Variants in SPOCK1 observed in about 807,000 individuals in gnomAD.
The protein encoded by SPOCK1 is SPARC (osteonectin), cwcv and kazal like domains proteoglycan 1, also known as testican-1.
Under a neutral mutation model 55.3 loss-of-function variants are expected in SPOCK1, and 23 were observed. The ratio of observed to expected loss-of-function variants is 0.42; its 90% CI spans 0.30 to 0.59. The LOEUF is 0.59. Ranked by LOEUF, SPOCK1 falls within the 20% of genes least tolerant of loss-of-function variation. The pLI, the probability that SPOCK1 is intolerant of heterozygous loss-of-function variation, is 0.22. For missense variants in SPOCK1, 499 were observed against 552.5 expected (o/e 0.90, Z 0.97); for synonymous variants, 226 against 221.0 (o/e 1.02, Z -0.20).
chr5:137,088,079 A>G (rs1752991644), intron 5 of SPOCK1, among the ~76,000 whole-genome samples: 1 of 152,170 alleles, frequency 6.6e-6, no homozygotes, highest in Non-Finnish European at 1.5e-5. Flanking sequence ...GTGTGTGAAG[A>G]TTGCTGGGGG....
chr5:137,393,979 A>G (rs1360508016), intron 2 of SPOCK1, among the ~76,000 whole-genome samples: 1 of 152,144 alleles, frequency 6.6e-6, no homozygotes, highest in African/African-American at 2.4e-5. Flanking sequence ...ATTTTTCTAC[A>G]GTTAACATGG....
At chr5:137,188,608 T>C (rs989467389) in intron 3 of SPOCK1, among the ~76,000 whole-genome samples, 20 of 152,152 alleles carry the variant, frequency 1.3e-4, no homozygotes, top group African/African-American at 4.8e-4. Flanking sequence ...CCCCCATCTG[T>C]TTTCCTCTCC....
At chr5:137,014,342 T>A (rs1349216256) in intron 6 of SPOCK1, among the ~76,000 whole-genome samples, 1 of 152,114 alleles carries the variant, frequency 6.6e-6, no homozygotes, top group Non-Finnish European at 1.5e-5. Context: ...TCCTTATAAA[T>A]TACCCAGTCT....
chr5:137,044,750 G>A (rs546843352), intron 6 of SPOCK1, among the ~76,000 whole-genome samples: 206 of 149,418 alleles, frequency 1.4e-3, no homozygotes, highest in African/African-American at 3.9e-3. Context: ...CCACTAACTC[G>A]TCATCTAGCA....
intron 2 of SPOCK1, among the ~76,000 whole-genome samples, chr5:137,447,379 G>T (rs567648045): frequency 2.2e-4 from 33 of 152,286 alleles, no homozygotes; most frequent in Admixed American, 1.8e-3. Context: ...CTAGTCACAG[G>T]GATGTAGCTG....
intron 2 of SPOCK1, among the ~76,000 whole-genome samples, chr5:137,470,348 T>A (rs1753710317): frequency 6.6e-6 from 1 of 152,182 alleles, no homozygotes; most frequent in Non-Finnish European, 1.5e-5. Context: ...AAGAGGTCAG[T>A]CAAGCTCAGT....
intron 3 of SPOCK1, among the ~76,000 whole-genome samples, chr5:137,237,302 G>A (rs1756199310): frequency 6.6e-6 from 1 of 152,160 alleles, no homozygotes; most frequent in Admixed American, 6.5e-5. Flanking sequence ...GGCAGTGTGT[G>A]CCTCTCTGAG....
At chr5:137,354,244 C>A (rs1183721305) in intron 2 of SPOCK1, among the ~76,000 whole-genome samples, 4 of 152,192 alleles carry the variant, frequency 2.6e-5, no homozygotes, top group Non-Finnish European at 5.9e-5. Flanking sequence ...TTCCTAGTCT[C>A]CTGCATTCCT....
chr5:137,478,048 C>T (rs1753871899), intron 2 of SPOCK1, among the ~76,000 whole-genome samples: 1 of 152,148 alleles, frequency 6.6e-6, no homozygotes, highest in Non-Finnish European at 1.5e-5. Context: ...GTCACCTCCT[C>T]ACCCTATGTT....
At chr5:137,449,464 C>A (rs1753203221) in intron 2 of SPOCK1, among the ~76,000 whole-genome samples, 1 of 152,182 alleles carries the variant, frequency 6.6e-6, no homozygotes. Flanking sequence ...GTCTGTGTTT[C>A]CATGGCCAGC....
chr5:137,007,364 C>A (rs1751267676), intron 6 of SPOCK1, among the ~76,000 whole-genome samples: 1 of 151,858 alleles, frequency 6.6e-6, no homozygotes. Flanking sequence ...AACAGGAAAT[C>A]TACAGAATGG....
At chr5:137,289,463 A>G (rs1479497794) in intron 2 of SPOCK1, among the ~76,000 whole-genome samples, 1 of 152,158 alleles carries the variant, frequency 6.6e-6, no homozygotes, top group Non-Finnish European at 1.5e-5. Context: ...AAAGAGGTCT[A>G]ACATGTAAGC....
chr5:137,222,563 T>C (rs1182944682), intron 3 of SPOCK1, among the ~76,000 whole-genome samples: 1 of 152,158 alleles, frequency 6.6e-6, no homozygotes, highest in Admixed American at 6.5e-5. Context: ...CCCCTTCACA[T>C]ATCTGTCAAG....
chr5:137,061,180 G>A (rs1198788664), intron 6 of SPOCK1, among the ~76,000 whole-genome samples: 1 of 152,204 alleles, frequency 6.6e-6, no homozygotes, highest in Non-Finnish European at 1.5e-5. Flanking sequence ...AAACAAAAAT[G>A]TTCTTTCCTG....
At chr5:137,311,574 C>T (rs1422051546) in intron 2 of SPOCK1, among the ~76,000 whole-genome samples, 3 of 152,232 alleles carry the variant, frequency 2.0e-5, no homozygotes, top group African/African-American at 7.2e-5. Context: ...TAATTTCAAA[C>T]TATCTACTCC....
chr5:137,354,322 G>GCCCTGCCCTCATTGGTCCTCAC (rs1367224430), intron 2 of SPOCK1, among the ~76,000 whole-genome samples: 2 of 151,936 alleles, frequency 1.3e-5, no homozygotes, highest in Non-Finnish European at 2.9e-5. Flanking sequence ...CCCTTGCGAG[G>GCCCTGCCCTCATTGGTCCTCAC]CCCTGCCCTC....
intron 9 of SPOCK1, 131 bp downstream of exon 9, chr5:136,985,009 T>C (rs141823876): frequency 1.1e-6 from 1 of 927,178 alleles, no homozygotes; most frequent in Non-Finnish European, 1.8e-6. Flanking sequence ...GAGCTCTGCC[T>C]GGGGTTAAAA....
rs144909658 is a variant in SPOCK1 at position 137,478,505 on chromosome 5, C to T, written c.186+19868G>A. ...ATAATCACTGGTTTTACTTTAAATGCAACATAAACTAAATGACCCAATAAA... is the reference window on the plus strand; with the variant it reads ...ATAATCACTGGTTTTACTTTAAATGTAACATAAACTAAATGACCCAATAAA... On this transcript the variant is annotated intron_variant, in intron 2 of 10. Transcript: ENST00000394945. Among the ~76,000 whole-genome samples the T allele has an allele frequency of 2.5e-3, 374 of 152,096 alleles. 2 individuals are homozygous for T. The highest frequency in any genetic ancestry group is 7.6e-3 in the African/African-American group (317 of 41,490).
intron 4 of SPOCK1, among the ~76,000 whole-genome samples, chr5:137,124,515 C>A (rs1306216957): frequency 6.6e-6 from 1 of 152,186 alleles, no homozygotes; most frequent in Admixed American, 6.5e-5. Context: ...CTGGAGCCTA[C>A]AAGCCTCATG....
Sources: gnomAD v4.1 joint callset for allele counts (sites outside exome capture counted in the v4.1 genomes callset) on GRCh38, gnomAD v4.1.1 for gene constraint, MANE v1.5 for transcripts, NCBI Gene and HGNC (gene_info 2026-07-23, HGNC 2026-07-21) for gene names.